Variants in SPIDR observed in about 807,000 individuals in gnomAD.
SPIDR encodes scaffold protein involved in DNA repair.
SPIDR carries 93 observed loss-of-function variants against 104.6 expected under a neutral mutation model. The observed-to-expected ratio is 0.89, with a 90% CI of 0.75 to 1.06. SPIDR has a LOEUF of 1.06. SPIDR is among the 50% of genes least tolerant of loss of function. The pLI is 0.00. For missense variants in SPIDR, 1,154 were observed against 1,111.2 expected (o/e 1.04, Z -0.55); for synonymous variants, 431 against 416.9 (o/e 1.03, Z -0.41).
chr8:47,313,507 A>G (rs2044639397), intron 5 of SPIDR, among the ~76,000 whole-genome samples: 1 of 152,214 alleles, frequency 6.6e-6, no homozygotes, highest in Non-Finnish European at 1.5e-5. Context: ...TTATAGATTC[A>G]ATGCCATCCC....
intron 8 of SPIDR, among the ~76,000 whole-genome samples, chr8:47,566,367 T>C (rs2057849868): frequency 3.3e-5 from 5 of 152,054 alleles, no homozygotes; most frequent in Admixed American, 3.3e-4. Context: ...TGTCTGAAAT[T>C]CCATATTCAG....
chr8:47,524,887 G>A (rs1587141977), intron 8 of SPIDR, among the ~76,000 whole-genome samples: 1 of 152,200 alleles, frequency 6.6e-6, no homozygotes, highest in East Asian at 1.9e-4. Context: ...GATATCTCCT[G>A]CAAGAGATTT....
chr8:47,329,680 T>C (rs957156485), intron 5 of SPIDR, among the ~76,000 whole-genome samples: 9 of 152,212 alleles, frequency 5.9e-5, no homozygotes, highest in Admixed American at 2.0e-4. Flanking sequence ...GTTATACATA[T>C]TGTATCTGTT....
chr8:47,490,504 C>G lies in SPIDR; in HGVS notation c.1097+49962C>G, dbSNP rs577138162. The stretch of plus-strand genomic sequence containing the variant: ...AGCCATCCCATTACTGGGTATATAC[C>G]GAAAGGATTATGAATCATGCTGCTG... On this transcript the variant is annotated intron_variant, in intron 8 of 19. Transcript: ENST00000297423. 1.4e-4 allele frequency among the ~76,000 whole-genome samples: 22 copies of G among 152,192 alleles called. No homozygotes were observed. The East Asian group carries it at 2.3e-3, about 16-fold the overall frequency.
At chr8:47,527,907 T>C (rs2085283307) in intron 8 of SPIDR, 1 of 152,258 alleles carries the variant, frequency 6.6e-6, no homozygotes, top group South Asian at 2.1e-4. Flanking sequence ...TATATCTTTT[T>C]TTAAAAGCTA....
chr8:47,719,811 G>A (rs566978661), intron 16 of SPIDR, among the ~76,000 whole-genome samples: 5 of 152,174 alleles, frequency 3.3e-5, no homozygotes, highest in South Asian at 4.2e-4. Flanking sequence ...CAGTCAACCC[G>A]CACTCAAGGA....
In SPIDR at chr8:47,576,188, C is replaced by CTTGCCCAGGCTGGAATGCAGTGGCACTG. The variant is rs556073116; in HGVS notation, c.1098-19604_1098-19603insGTGGCACTGTTGCCCAGGCTGGAATGCA. Among the ~76,000 whole-genome samples the CTTGCCCAGGCTGGAATGCAGTGGCACTG allele has an allele frequency of 2.7e-3, 412 of 152,078 alleles. 1 individual carries two copies. The highest frequency in any genetic ancestry group is 9.7e-3 in the African/African-American group (402 of 41,520). ...ATTTATTTTGAGACGGAGTCTCACT[C>CTTGCCCAGGCTGGAATGCAGTGGCACTG]TTGCCCAGGCTGGAATGCAATGGCA... On this transcript the variant is annotated intron_variant, in intron 8 of 19. Coordinates refer to ENST00000297423, the MANE Select transcript of SPIDR (RefSeq NM_001080394.4).
chr8:47,673,651 T>A (rs1469209075), intron 10 of SPIDR, 150 bp from the exon 11 acceptor site: 1 of 1,046,114 alleles, frequency 9.6e-7, no homozygotes, highest in African/African-American at 1.6e-5. Flanking sequence ...TCTTTTTTTT[T>A]TCCCCCCTTG....
At chr8:47,635,593 C>G (rs1336740775) in intron 10 of SPIDR, among the ~76,000 whole-genome samples, 1 of 152,076 alleles carries the variant, frequency 6.6e-6, no homozygotes, top group Non-Finnish European at 1.5e-5. Flanking sequence ...GCAGTGGCAC[C>G]TGTAGTCCCA....
At chr8:47,556,856 G>A (rs1249403531) in intron 8 of SPIDR, among the ~76,000 whole-genome samples, 4 of 151,872 alleles carry the variant, frequency 2.6e-5, no homozygotes, top group Admixed American at 6.6e-5. Context: ...CTCCCACTTC[G>A]GCCTCCCAAA....
At chr8:47,495,325 A>T (rs1375061061) in intron 8 of SPIDR, among the ~76,000 whole-genome samples, 1 of 151,998 alleles carries the variant, frequency 6.6e-6, no homozygotes, top group Non-Finnish European at 1.5e-5. Flanking sequence ...CTGAGATGGT[A>T]CAAGTATCAT....
chr8:47,429,013 C>T (rs1439879380), intron 7 of SPIDR, among the ~76,000 whole-genome samples: 2 of 152,088 alleles, frequency 1.3e-5, no homozygotes, highest in Admixed American at 6.5e-5. Context: ...TCTTTGTAGT[C>T]GTGAGCCAGA....
At chr8:47,433,763 A>C (rs2067775128) in intron 7 of SPIDR, among the ~76,000 whole-genome samples, 1 of 152,142 alleles carries the variant, frequency 6.6e-6, no homozygotes, top group African/African-American at 2.4e-5. Flanking sequence ...TTATTTGTTA[A>C]CTCTTGGAGT....
chr8:47,323,888 T>C (rs1432421586), intron 5 of SPIDR, among the ~76,000 whole-genome samples: 6 of 152,218 alleles, frequency 3.9e-5, no homozygotes, highest in African/African-American at 1.4e-4. Flanking sequence ...AAGGCCTGAT[T>C]GCATCTTGAT....
At chr8:47,657,361 T>G (rs2073025134) in intron 10 of SPIDR, among the ~76,000 whole-genome samples, 1 of 152,156 alleles carries the variant, frequency 6.6e-6, no homozygotes, top group African/African-American at 2.4e-5. Context: ...GGCAAAAATT[T>G]TAGAAGAGAG....
intron 16 of SPIDR, among the ~76,000 whole-genome samples, chr8:47,726,377 C>T (rs560706490): frequency 3.7e-4 from 56 of 152,304 alleles, no homozygotes; most frequent in South Asian, 6.2e-4. Context: ...GAAAGGAAGA[C>T]CTTTCTATTT....
intron 10 of SPIDR, among the ~76,000 whole-genome samples, chr8:47,601,030 C>CT (rs1464245707): frequency 6.6e-6 from 1 of 152,162 alleles, no homozygotes; most frequent in Non-Finnish European, 1.5e-5. Context: ...AAACTAGAAG[C>CT]TAAAATCTGG....
intron 1 of SPIDR, among the ~76,000 whole-genome samples, chr8:47,275,030 CG>C (rs2036109020): frequency 6.6e-6 from 1 of 151,378 alleles, no homozygotes; most frequent in African/African-American, 2.4e-5. Flanking sequence ...GAGGCCGAGG[CG>C]GGTGGATCAC....
intron 8 of SPIDR, among the ~76,000 whole-genome samples, chr8:47,480,179 C>G (rs901287778): frequency 6.6e-6 from 1 of 152,200 alleles, no homozygotes; most frequent in Non-Finnish European, 1.5e-5. Context: ...CAGTTGAATA[C>G]TGTGCTGGGC....
Sources: allele counts gnomAD v4.1 joint callset (sites outside exome capture counted in the v4.1 genomes callset), GRCh38; gene constraint gnomAD v4.1.1; transcripts MANE v1.5; gene names NCBI Gene and HGNC (gene_info 2026-07-23, HGNC 2026-07-21).